SNRPN: variants seen among roughly 807,000 people sequenced by gnomAD.
The protein encoded by SNRPN is small nuclear ribonucleoprotein polypeptide N.
SNRPN carries 7 observed loss-of-function variants against 25.2 expected under a neutral mutation model. That is an observed-to-expected ratio of 0.28 (90% CI 0.16 to 0.52). The LOEUF is 0.52. Ranked by LOEUF, SNRPN falls within the 20% of genes least tolerant of loss-of-function variation. SNRPN has a pLI of 0.96. For synonymous variants in SNRPN, 124 were observed against 110.6 expected (o/e 1.12, Z -0.76); for missense variants, 196 against 322.5 (o/e 0.61, Z 3.00).
intron 2 of SNRPN, among the ~76,000 whole-genome samples, chr15:24,912,717 A>G: frequency 6.6e-6 from 1 of 152,180 alleles, no homozygotes; most frequent in South Asian, 2.1e-4. Flanking sequence ...TCTCTATAAA[A>G]GTGTATTAAT....
At chr15:24,881,742 A>G (rs949535319) in intron 1 of SNRPN, among the ~76,000 whole-genome samples, 5 of 152,182 alleles carry the variant, frequency 3.3e-5, no homozygotes, top group African/African-American at 1.2e-4. Flanking sequence ...CATAAAGTGC[A>G]TCTAGATTTT....
At chr15:24,854,237 A>G (rs2053168810), upstream of SNRPN, among the ~76,000 whole-genome samples, 1 of 151,870 alleles carries the variant, frequency 6.6e-6, no homozygotes. Context: ...CCACCTTTTA[A>G]TACTGCTACA....
At chr15:24,881,584 G>GGAGAGAGAGAGA (rs1157961647) in intron 1 of SNRPN, among the ~76,000 whole-genome samples, 21 of 57,602 alleles carry the variant, frequency 3.6e-4, no homozygotes, top group Non-Finnish European at 5.7e-4. Flanking sequence ...AGGGAGGGAG[G>GGAGAGAGAGAGA]GAGAGAGAGA....
chr15:24,949,056 C>G (rs2062064757), intron 3 of SNRPN, among the ~76,000 whole-genome samples: 1 of 112,234 alleles, frequency 8.9e-6, no homozygotes. Flanking sequence ...GAGTCTCACT[C>G]TCTCACCTAG....
chr15:24,965,845 T>C (rs2153546121), intron 2 of SNRPN, among the ~76,000 whole-genome samples: 1 of 152,052 alleles, frequency 6.6e-6, no homozygotes, highest in East Asian at 1.9e-4. Context: ...GAGAATTATC[T>C]TACGTTTCAA....
intron 2 of SNRPN, among the ~76,000 whole-genome samples, chr15:24,895,623 G>A (rs1007541708): frequency 1.3e-4 from 20 of 152,062 alleles, no homozygotes; most frequent in African/African-American, 4.3e-4. Context: ...TTACATATCT[G>A]GCTCATGAGA....
At chr15:24,954,830 C>A, upstream of SNRPN, 1 of 632,164 alleles carries the variant, frequency 1.6e-6, no homozygotes, top group Non-Finnish European at 2.7e-6. Context: ...CCTAGGGGTC[C>A]AGTAGCCCCC....
intron 7 of SNRPN, 95 bp downstream of exon 7, chr15:24,977,124 TG>T: frequency 4.1e-6 from 4 of 974,046 alleles, no homozygotes; most frequent in Non-Finnish European, 5.9e-6. Context: ...TGTCATACAA[TG>T]TAAACAGCAT....
intron 1 of SNRPN, among the ~76,000 whole-genome samples, chr15:24,866,106 G>A (rs1467809831): frequency 6.6e-6 from 1 of 151,992 alleles, no homozygotes; most frequent in Non-Finnish European, 1.5e-5. Context: ...ATTATGTAAT[G>A]CCTTTCTATT....
At chr15:24,951,321 C>T (rs1454859154), upstream of SNRPN, among the ~76,000 whole-genome samples, 1 of 152,148 alleles carries the variant, frequency 6.6e-6, no homozygotes, top group African/African-American at 2.4e-5. Flanking sequence ...CCACCTCCTC[C>T]ACAACCCTTG....
intron 2 of SNRPN, among the ~76,000 whole-genome samples, chr15:24,918,733 T>C (rs28588607): frequency 0.016 from 1,468 of 92,900 alleles, 129 homozygotes; most frequent in East Asian, 0.048. Context: ...TATATATGTG[T>C]GCATATATAT....
At chr15:24,961,991 C>T in intron 1 of SNRPN, 123 bp from the exon 2 acceptor site, 3 of 890,080 alleles carry the variant, frequency 3.4e-6, no homozygotes, top group Non-Finnish European at 5.5e-6. Context: ...AATAATTTTA[C>T]CTTGTTTTAA....
chr15:24,886,547 C>T (rs1164741996), exon 2 of SNRPN: 3 of 152,176 alleles, frequency 2.0e-5, no homozygotes, highest in Admixed American at 6.5e-5. Flanking sequence ...GGACTCCCAT[C>T]AAGTCTCCAC....
chr15:24,878,429 C>G (rs7172901), intron 1 of SNRPN, among the ~76,000 whole-genome samples: 25,772 of 152,256 alleles, frequency 0.17, 2,555 homozygotes, highest in African/African-American at 0.27. Flanking sequence ...GGCGCGCCTG[C>G]ACAGCGCAGG....
At position 24,976,323 on chromosome 15, in the gene SNRPN, A is replaced by G. The variant is rs763936171; in HGVS notation, c.174A>G (p.Gln58=). The change falls in exon 6 of 10, where the codon CAA becomes CAG. Residue 58 remains glutamine, a synonymous_variant. Transcript: ENST00000390687. Reference sequence around the variant, plus strand: ...TTTGTAGGCCAAAGAATGCGAAGCAACCAGAGCGTGAAGAAAAGCGGGTTT... The same window carrying G: ...TTTGTAGGCCAAAGAATGCGAAGCAGCCAGAGCGTGAAGAAAAGCGGGTTT... ...FRKIKPKNAK[Q]PEREEKRVLG... is the part of the protein sequence containing the mutation. 1.1e-5 allele frequency: 18 copies of G among 1,613,664 alleles called. No individual in the cohort carries two copies. Among genetic ancestry groups the G allele is most frequent in the East Asian group, 4.5e-5 (2 of 44,882 alleles).
rs1365186744 is a variant in SNRPN at position 24,882,831 on chromosome 15, A to AT, written c.-578-3685_-578-3684insT. Among the ~76,000 whole-genome samples the AT allele has an allele frequency of 7.8e-4, 86 of 109,694 alleles. 7 individuals carry two copies. The highest frequency in any genetic ancestry group is 2.1e-3 in the African/African-American group (60 of 28,442). 72.0% of individuals were successfully genotyped at this position (109,694 alleles called of 152,430 possible). On this transcript the variant is annotated intron_variant, in intron 1 of 11. Coordinates refer to the SNRPN transcript ENST00000400097. ...AGAGCGAGACTCCATCTCAAAAAAA[A>AT]AAATATATATATATATAGTGAGTTG...
At chr15:24,913,659 A>C (rs188453410) in intron 2 of SNRPN, among the ~76,000 whole-genome samples, 3 of 148,076 alleles carry the variant, frequency 2.0e-5, no homozygotes, top group Non-Finnish European at 4.4e-5. Flanking sequence ...AAAACAAAAC[A>C]AAACAAAACA....
chr15:24,891,238 T>G (rs907943602), intron 2 of SNRPN, among the ~76,000 whole-genome samples: 2 of 152,194 alleles, frequency 1.3e-5, no homozygotes, highest in African/African-American at 2.4e-5. Flanking sequence ...TGGCATTTTT[T>G]TTGAGACAGG....
At chr15:24,852,880 G>A (rs1235825742), upstream of SNRPN, among the ~76,000 whole-genome samples, 2 of 152,188 alleles carry the variant, frequency 1.3e-5, no homozygotes, top group Non-Finnish European at 2.9e-5. Flanking sequence ...GGTTCACTGA[G>A]CTGTGATTGT....
Sources: gnomAD v4.1 joint callset for allele counts (sites outside exome capture counted in the v4.1 genomes callset) on GRCh38, gnomAD v4.1.1 for gene constraint, MANE v1.5 for transcripts, NCBI Gene and HGNC (gene_info 2026-07-23, HGNC 2026-07-21) for gene names.